The following PDE3A variants were observed in gnomAD, a reference collection of about 807,000 sequenced individuals.
PDE3A encodes the protein phosphodiesterase 3A, also known as cGMP-inhibited 3',5'-cyclic phosphodiesterase 3A.
In PDE3A, 43 loss-of-function variants were observed where a neutral mutation model predicts 98.3. The ratio of observed to expected loss-of-function variants is 0.44; its 90% confidence interval spans 0.34 to 0.56. The LOEUF (loss-of-function observed/expected upper bound fraction) is 0.56, where lower values mean the gene tolerates loss of function less well. Ranked by LOEUF, PDE3A falls within the 20% of genes least tolerant of loss-of-function variation. The pLI, the probability that PDE3A is intolerant of heterozygous loss-of-function variation, is 0.01. For synonymous variants in PDE3A, 663 were observed against 567.9 expected, an observed-to-expected ratio of 1.17 and a Z score of -2.38; for missense variants, 1,427 against 1,440.7, an observed-to-expected ratio of 0.99 and a Z score of 0.15.
chr12:20,445,748 A>G (rs1565551738), intron 1 of PDE3A, among the ~76,000 whole-genome samples: 1 of 152,086 alleles, frequency 6.6e-6, no homozygotes, highest in Non-Finnish European at 1.5e-5. Flanking sequence ...ATCTTTGCAT[A>G]CTCAGTACTT....
intron 1 of PDE3A, among the ~76,000 whole-genome samples, chr12:20,537,928 A>C (rs1015745731): frequency 2.0e-5 from 3 of 151,992 alleles, no homozygotes; most frequent in African/African-American, 7.2e-5. Flanking sequence ...AGACTGAGAC[A>C]TCCACAAGTT....
chr12:20,385,312 G>C (rs1005703099), intron 1 of PDE3A, among the ~76,000 whole-genome samples: 68 of 152,018 alleles, frequency 4.5e-4, no homozygotes, highest in South Asian at 4.1e-4. Flanking sequence ...AAGATGTGGA[G>C]AAACAGGAAC....
At chr12:20,487,822 T>TA (rs1945757944) in intron 1 of PDE3A, among the ~76,000 whole-genome samples, 3 of 152,132 alleles carry the variant, frequency 2.0e-5, no homozygotes, top group African/African-American at 7.2e-5. Flanking sequence ...TCAAAGACAA[T>TA]AAAAGCCAGA....
At position 20,370,094 on chromosome 12, in the gene PDE3A, T is replaced by C. The variant is rs945095415; in HGVS notation, c.810T>C (p.His270=). Reference sequence around the variant, plus strand: ...CCGCGGAGGCGGCTCCAAGGGAGCATTTGGGGTCCCAGCTGATTGCTGGGA... The same window carrying C: ...CCGCGGAGGCGGCTCCAAGGGAGCACTTGGGGTCCCAGCTGATTGCTGGGA... The part of the protein sequence containing the change: ...PQSAEAAPRE[H]LGSQLIAGTK... Residue 270 remains histidine (H), a synonymous_variant, in exon 1 of 16, where the codon CAT becomes CAC. Transcript: ENST00000359062. 8 of 1,613,054 alleles carry C rather than the reference T, an allele frequency of 5.0e-6. No homozygotes were observed. The highest frequency in any genetic ancestry group is 4.5e-5 in the East Asian group (2 of 44,834).
chr12:20,446,739 C>T (rs759075420), intron 1 of PDE3A, among the ~76,000 whole-genome samples: 10 of 152,038 alleles, frequency 6.6e-5, no homozygotes, highest in Admixed American at 1.3e-4. Flanking sequence ...GAATAAATGC[C>T]GTGAAGAAAA....
chr12:20,556,743 C>T (rs200630210), intron 2 of PDE3A, 33 bp downstream of exon 2: 214 of 1,514,624 alleles, frequency 1.4e-4, no homozygotes, highest in Admixed American at 6.7e-5. Context: ...TTTCACGTTT[C>T]GTTTCGTAAC....
chr12:20,546,753 A>G (rs1238211391), intron 1 of PDE3A, among the ~76,000 whole-genome samples: 2 of 152,112 alleles, frequency 1.3e-5, no homozygotes, highest in African/African-American at 2.4e-5. Context: ...ATAAAATTGT[A>G]CTATTTAGTA....
intron 1 of PDE3A, among the ~76,000 whole-genome samples, chr12:20,409,339 C>G (rs1295694438): frequency 6.6e-6 from 1 of 151,974 alleles, no homozygotes; most frequent in East Asian, 1.9e-4. Context: ...GTGGTCATTT[C>G]TACAACTCTT....
intron 1 of PDE3A, among the ~76,000 whole-genome samples, chr12:20,498,586 C>T (rs1945966581): frequency 6.6e-6 from 1 of 152,122 alleles, no homozygotes; most frequent in Non-Finnish European, 1.5e-5. Context: ...ACTTGAGCAT[C>T]CCTGGATTTT....
At position 20,615,096 on chromosome 12, in the gene PDE3A, A is replaced by G. The variant is rs144645782; in HGVS notation, c.1270-1134A>G. Among the ~76,000 whole-genome samples, 6 of 127,562 alleles carry G rather than the reference A, an allele frequency of 4.7e-5. No individual in the cohort carries two copies. In the East Asian group the frequency reaches 1.4e-3, roughly 29 times the overall value. 83.7% of individuals were successfully genotyped at this position (127,562 alleles called of 152,430 possible). Reference sequence around the variant, plus strand: ...GAGTGCAGTGGCGTGATTTTCGCTCACTGCATGTTGGCCAGGCTGGTCTCA... The same window carrying G: ...GAGTGCAGTGGCGTGATTTTCGCTCGCTGCATGTTGGCCAGGCTGGTCTCA... On this transcript the variant is annotated intron_variant, in intron 3 of 15. Transcript: ENST00000359062.
chr12:20,501,642 A>C (rs1355119089), intron 1 of PDE3A, among the ~76,000 whole-genome samples: 1 of 152,142 alleles, frequency 6.6e-6, no homozygotes, highest in Non-Finnish European at 1.5e-5. Context: ...CAGAAGAGTT[A>C]CTTTTTGTTC....
intron 1 of PDE3A, among the ~76,000 whole-genome samples, chr12:20,492,619 T>C (rs544675424): frequency 4.6e-5 from 7 of 152,112 alleles, no homozygotes. Flanking sequence ...GCAGTGCCTG[T>C]GGGAAAGGGG....
At chr12:20,465,187 A>G (rs182913196) in intron 1 of PDE3A, among the ~76,000 whole-genome samples, 1 of 152,224 alleles carries the variant, frequency 6.6e-6, no homozygotes, top group East Asian at 1.9e-4. Flanking sequence ...AGGTTGCTTA[A>G]CAATTTCTTC....
intron 15 of PDE3A, among the ~76,000 whole-genome samples, chr12:20,673,977 G>A (rs9971816): frequency 0.56 from 84,462 of 151,914 alleles, 24,483 homozygotes; most frequent in East Asian, 0.73. Context: ...CTTTGCATTC[G>A]TGTGTGTTGT....
intron 1 of PDE3A, among the ~76,000 whole-genome samples, chr12:20,525,006 C>G (rs1202035423): frequency 3.3e-5 from 5 of 152,146 alleles, no homozygotes; most frequent in Non-Finnish European, 7.4e-5. Context: ...GTGGTGCATG[C>G]CTGTAATCTC....
At chr12:20,452,884 G>A (rs935555125) in intron 1 of PDE3A, among the ~76,000 whole-genome samples, 1 of 152,156 alleles carries the variant, frequency 6.6e-6, no homozygotes, top group South Asian at 2.1e-4. Context: ...ACCTTGATTA[G>A]GTGAAGGGGC....
chr12:20,479,839 A>G (rs56040734), intron 1 of PDE3A, among the ~76,000 whole-genome samples: 27,949 of 152,182 alleles, frequency 0.18, 2,748 homozygotes, highest in East Asian at 0.29. Context: ...ATTGTTCAAC[A>G]AAGTCTTAAA....
chr12:20,480,719 A>C (rs546342268), intron 1 of PDE3A, among the ~76,000 whole-genome samples: 1 of 152,232 alleles, frequency 6.6e-6, no homozygotes, highest in African/African-American at 2.4e-5. Flanking sequence ...AAGTGAATTC[A>C]TTCAGCTTAA....
At chr12:20,657,835 T>C (rs1452875499) in intron 15 of PDE3A, among the ~76,000 whole-genome samples, 1 of 152,166 alleles carries the variant, frequency 6.6e-6, no homozygotes, top group Non-Finnish European at 1.5e-5. Flanking sequence ...GGGACTGCCC[T>C]GGAAGGAAAA....
Sources: gnomAD v4.1 joint callset for allele counts (sites outside exome capture counted in the v4.1 genomes callset) on GRCh38, gnomAD v4.1.1 for gene constraint, MANE v1.5 for transcripts, NCBI Gene and HGNC (gene_info 2026-07-23, HGNC 2026-07-21) for gene names.